PLEKHA6: variants seen among roughly 807,000 people sequenced by gnomAD.
PLEKHA6 encodes pleckstrin homology domain containing A6.
In PLEKHA6, 60 loss-of-function variants were observed where a neutral mutation model predicts 116.7. The ratio of observed to expected loss-of-function variants is 0.51; its 90% CI spans 0.42 to 0.64. The LOEUF (loss-of-function observed/expected upper bound fraction) is 0.64. PLEKHA6 is among the 30% of genes least tolerant of loss of function. The pLI is 0.00. For missense variants in PLEKHA6, 1,338 were observed against 1,422.7 expected (o/e 0.94, Z 0.96); for synonymous variants, 489 against 556.1 (o/e 0.88, Z 1.70).
chr1:204,246,947 C>G (rs1336945111), intron 13 of PLEKHA6, among the ~76,000 whole-genome samples: 2 of 152,130 alleles, frequency 1.3e-5, no homozygotes, highest in African/African-American at 4.8e-5. Flanking sequence ...ACCAGCCCGG[C>G]CAACACAGGG....
chr1:204,344,525 G>C (rs1052447587), intron 1 of PLEKHA6, among the ~76,000 whole-genome samples: 16 of 150,934 alleles, frequency 1.1e-4, no homozygotes, highest in African/African-American at 3.4e-4. Context: ...GCTTGAACCC[G>C]GGAGGCAGAG....
chr1:204,376,862 C>T (rs187042231), intron 1 of PLEKHA6, among the ~76,000 whole-genome samples: 6 of 152,248 alleles, frequency 3.9e-5, no homozygotes, highest in Admixed American at 1.3e-4. Flanking sequence ...TGGAAGATGT[C>T]TATCCTGGCA....
chr1:204,355,989 ACACACACACAC>A (rs1431509086), intron 1 of PLEKHA6, among the ~76,000 whole-genome samples: 1 of 72,162 alleles, frequency 1.4e-5, no homozygotes, highest in African/African-American at 4.7e-5. Context: ...ACACACACAC[ACACACACACAC>A]AAAAAAAATC....
At position 204,248,869 on chromosome 1, in the gene PLEKHA6, C is replaced by T; in HGVS notation, c.1776G>A (p.Leu592=). 6.2e-7 allele frequency: 1 copy of T among 1,614,146 alleles called. No individual in the cohort carries two copies. ...CGCGGATGTTGATGAGCTGGTTCTGCAGTGAATCCTTTTTGTGTCGCAGCT... is the reference window on the plus strand; with the variant it reads ...CGCGGATGTTGATGAGCTGGTTCTGTAGTGAATCCTTTTTGTGTCGCAGCT... ...PEKLRHKKDS[L]QNQLINIRVE... Residue 592 remains leucine, a synonymous_variant, in exon 12 of 23, where the codon CTG becomes CTA. Transcript: ENST00000272203.
At chr1:204,308,636 C>T (rs1572157352) in intron 1 of PLEKHA6, among the ~76,000 whole-genome samples, 1 of 151,912 alleles carries the variant, frequency 6.6e-6, no homozygotes, top group Non-Finnish European at 1.5e-5. Flanking sequence ...ATTGCTCTTC[C>T]CACTACCTCC....
intron 1 of PLEKHA6, chr1:204,301,577 T>G: frequency 3.8e-6 from 2 of 532,408 alleles, no homozygotes; most frequent in Non-Finnish European, 4.8e-6. Context: ...ACTTACTCCC[T>G]AGGGCCATTC....
chr1:204,260,790 G>A (rs1438151906), intron 7 of PLEKHA6, among the ~76,000 whole-genome samples: 2 of 152,196 alleles, frequency 1.3e-5, no homozygotes, highest in African/African-American at 4.8e-5. Flanking sequence ...CATATGTTAA[G>A]AGTTTACTGC....
chr1:204,245,072 T>A, intron 14 of PLEKHA6, 69 bp from the exon 15 acceptor site: 1 of 1,083,256 alleles, frequency 9.2e-7, no homozygotes, highest in East Asian at 3.1e-5. Context: ...ATGGGCACTG[T>A]GAGTGGAGGT....
At chr1:204,235,758 AC>A in intron 17 of PLEKHA6, among the ~76,000 whole-genome samples, 1 of 152,230 alleles carries the variant, frequency 6.6e-6, no homozygotes, top group East Asian at 1.9e-4. Context: ...ACTCTTATGA[AC>A]CTTTTTTTGC....
chr1:204,254,513 C>T (rs951657441), intron 9 of PLEKHA6, among the ~76,000 whole-genome samples: 2 of 152,134 alleles, frequency 1.3e-5, no homozygotes, highest in Non-Finnish European at 2.9e-5. Context: ...CTTTGTCACA[C>T]ATTAGATGTT....
At chr1:204,245,793 C>G in intron 13 of PLEKHA6, 67 bp from the exon 14 acceptor site, 1 of 1,178,504 alleles carries the variant, frequency 8.5e-7, no homozygotes, top group Non-Finnish European at 1.3e-6. Context: ...TCTCTCAGCC[C>G]AGACCCCTTG....
intron 14 of PLEKHA6, 113 bp from the exon 15 acceptor site, chr1:204,245,116 G>T: frequency 1.4e-6 from 1 of 730,422 alleles, no homozygotes; most frequent in Non-Finnish European, 2.1e-6. Context: ...GATGTGGAAG[G>T]GCAGATTTAG....
intron 1 of PLEKHA6, among the ~76,000 whole-genome samples, chr1:204,332,417 G>A (rs1377032473): frequency 6.6e-6 from 1 of 152,092 alleles, no homozygotes; most frequent in East Asian, 1.9e-4. Flanking sequence ...TGTCACCCAG[G>A]CTAGAGTGCA....
intron 1 of PLEKHA6, among the ~76,000 whole-genome samples, chr1:204,291,907 A>G (rs1175629547): frequency 6.6e-6 from 1 of 152,236 alleles, no homozygotes; most frequent in East Asian, 1.9e-4. Context: ...AATTTATCAT[A>G]TACCTCAATA....
chr1:204,364,551 C>T (rs2103400260), upstream of PLEKHA6, among the ~76,000 whole-genome samples: 1 of 152,312 alleles, frequency 6.6e-6, no homozygotes, highest in East Asian at 1.9e-4. Flanking sequence ...GAGATAATGT[C>T]ATAAAGCACT....
At chr1:204,272,059 A>G (rs922161795) in intron 3 of PLEKHA6, among the ~76,000 whole-genome samples, 2 of 152,106 alleles carry the variant, frequency 1.3e-5, no homozygotes, top group African/African-American at 4.8e-5. Flanking sequence ...TCCCCGGATT[A>G]AGAAAATGTG....
At chr1:204,275,603 C>G in intron 1 of PLEKHA6, 1 of 625,284 alleles carries the variant, frequency 1.6e-6, no homozygotes, top group Non-Finnish European at 2.0e-6. Flanking sequence ...TTGGGAAGAC[C>G]TGCTGTGGCT....
At chr1:204,312,850 T>C (rs1247501337) in intron 1 of PLEKHA6, among the ~76,000 whole-genome samples, 1 of 68,770 alleles carries the variant, frequency 1.5e-5, no homozygotes, top group Non-Finnish European at 2.9e-5. Context: ...CATTTTCTTT[T>C]CTTTTCTTTT....
intron 5 of PLEKHA6, among the ~76,000 whole-genome samples, chr1:204,266,312 G>C (rs1395333862): frequency 6.6e-6 from 1 of 152,158 alleles, no homozygotes; most frequent in Non-Finnish European, 1.5e-5. Context: ...GCATTTAGGG[G>C]AGTCCTGGGT....
Sources: allele counts gnomAD v4.1 joint callset (sites outside exome capture counted in the v4.1 genomes callset), GRCh38; gene constraint gnomAD v4.1.1; transcripts MANE v1.5; gene names NCBI Gene and HGNC (gene_info 2026-07-23, HGNC 2026-07-21).